LRRC4C: variants seen among roughly 807,000 people sequenced by gnomAD.
The protein encoded by LRRC4C is leucine-rich repeat-containing protein 4C.
A neutral mutation model predicts 33.6 loss-of-function variants in LRRC4C; 5 were observed. That is an observed-to-expected ratio of 0.15 (90% CI 0.08 to 0.31). The LOEUF is 0.31. Among genes scored for constraint, LRRC4C ranks in the 10% least tolerant of loss-of-function variants. The pLI is 1.00. For missense variants in LRRC4C, 560 were observed against 796.7 expected (o/e 0.70, Z 3.58); for synonymous variants, 329 against 302.0 (o/e 1.09, Z -0.93).
At chr11:40,116,415 G>C (rs771964643) in intron 6 of LRRC4C, 81 bp from the exon 7 acceptor site, 1 of 1,378,308 alleles carries the variant, frequency 7.3e-7, no homozygotes, top group African/African-American at 1.5e-5. Flanking sequence ...CGGTGATATA[G>C]TGTATCAGCT....
intron 1 of LRRC4C, among the ~76,000 whole-genome samples, chr11:41,237,526 T>C (rs748618539): frequency 1.3e-5 from 2 of 152,186 alleles, no homozygotes; most frequent in African/African-American, 2.4e-5. Flanking sequence ...TCAGCTGTAA[T>C]ATCTGCCTTA....
chr11:41,360,084 G>A (rs1357882961), intron 1 of LRRC4C, among the ~76,000 whole-genome samples: 1 of 152,186 alleles, frequency 6.6e-6, no homozygotes, highest in East Asian at 1.9e-4. Context: ...TCAGGAGGCT[G>A]AGGCAGGAGA....
At chr11:41,140,972 T>A (rs1313170439) in intron 1 of LRRC4C, among the ~76,000 whole-genome samples, 2 of 152,168 alleles carry the variant, frequency 1.3e-5, no homozygotes, top group Non-Finnish European at 1.5e-5. Context: ...ATAATACATA[T>A]TTTTACCTTT....
In LRRC4C at chr11:40,115,663, C is replaced by A; in HGVS notation, c.630G>T (p.Arg210=). ...RYLNLAMCNL[R]EIPNLTPLIK... is the part of the protein sequence containing the mutation. ...TGAGCGGTGTGAGGTTAGGGATTTCCCGAAGGTTGCACATGGCAAGGTTCA... is the reference window on the plus strand; with the variant it reads ...TGAGCGGTGTGAGGTTAGGGATTTCACGAAGGTTGCACATGGCAAGGTTCA... Residue 210 remains arginine, a synonymous_variant, in exon 7 of 7, where the codon CGG becomes CGT. Coordinates refer to ENST00000528697, the MANE Select transcript of LRRC4C (RefSeq NM_001258419.2). The surrounding 1 kb of genome is among the most constrained non-coding windows in gnomAD (Gnocchi z 6.7). 6.2e-7 allele frequency: 1 copy of A among 1,614,124 alleles called. No individual in the cohort carries two copies. The highest frequency in any genetic ancestry group is 8.5e-7 in the Non-Finnish European group (1 of 1,180,022).
At chr11:40,493,780 G>T (rs115165214) in intron 3 of LRRC4C, among the ~76,000 whole-genome samples, 1,742 of 152,196 alleles carry the variant, frequency 0.011, 38 homozygotes, top group African/African-American at 0.039. Flanking sequence ...GTTATTAAGT[G>T]CATTTAGGTG....
intron 2 of LRRC4C, among the ~76,000 whole-genome samples, chr11:40,859,084 C>A (rs1953947401): frequency 6.6e-6 from 1 of 152,102 alleles, no homozygotes; most frequent in Non-Finnish European, 1.5e-5. Context: ...AGGTTACTTG[C>A]TGCAGTGATA....
At chr11:40,202,877 A>G (rs564046826) in intron 5 of LRRC4C, among the ~76,000 whole-genome samples, 5 of 152,350 alleles carry the variant, frequency 3.3e-5, no homozygotes, top group Non-Finnish European at 7.3e-5. Context: ...AGCAGGACAG[A>G]AGAGGGCTCA....
At chr11:41,425,766 G>C (rs1286991938) in intron 1 of LRRC4C, among the ~76,000 whole-genome samples, 1 of 152,000 alleles carries the variant, frequency 6.6e-6, no homozygotes, top group Non-Finnish European at 1.5e-5. Flanking sequence ...TTTATAAATG[G>C]GGGAGCTGAG....
chr11:40,418,078 T>C (rs1950392516), intron 3 of LRRC4C, among the ~76,000 whole-genome samples: 1 of 152,200 alleles, frequency 6.6e-6, no homozygotes, highest in Non-Finnish European at 1.5e-5. Flanking sequence ...GTCTGTGTCT[T>C]CCACTAGTAA....
chr11:40,208,645 A>G (rs1863340766), intron 5 of LRRC4C, among the ~76,000 whole-genome samples: 1 of 152,168 alleles, frequency 6.6e-6, no homozygotes, highest in South Asian at 2.1e-4. Flanking sequence ...TGTTAGTATG[A>G]ATATTCATTT....
chr11:40,263,537 G>A (rs1002809202), intron 4 of LRRC4C, among the ~76,000 whole-genome samples: 3 of 151,672 alleles, frequency 2.0e-5, no homozygotes, highest in East Asian at 1.9e-4. Flanking sequence ...TTTTGGGGGC[G>A]GGGGATGGGA....
intron 2 of LRRC4C, among the ~76,000 whole-genome samples, chr11:40,738,717 A>G (rs1948007495): frequency 6.6e-6 from 1 of 152,062 alleles, no homozygotes; most frequent in South Asian, 2.1e-4. Context: ...TTAGGCATTG[A>G]ACTGATAGAG....
intron 1 of LRRC4C, among the ~76,000 whole-genome samples, chr11:41,024,169 G>C (rs1292524948): frequency 6.6e-6 from 1 of 151,556 alleles, no homozygotes; most frequent in Non-Finnish European, 1.5e-5. Flanking sequence ...ATAGATGTTA[G>C]TTTCCTCAAC....
At position 40,212,167 on chromosome 11, in the gene LRRC4C, C is replaced by T. The variant is rs187564691; in HGVS notation, c.-96+29352G>A. Among the ~76,000 whole-genome samples, 12 of 152,202 alleles carry T rather than the reference C, an allele frequency of 7.9e-5. No individual in the cohort carries two copies. In the East Asian group the frequency reaches 2.1e-3, roughly 27 times the overall value. ...AGTAGTAAATGTGGAAACCATGTTT[C>T]CACTCAGTAGTAATTTTGATCCATC... On this transcript the variant is annotated intron_variant, in intron 5 of 6. Transcript: ENST00000528697.
chr11:41,183,914 A>G (rs1215804679), intron 1 of LRRC4C, among the ~76,000 whole-genome samples: 1 of 152,180 alleles, frequency 6.6e-6, no homozygotes, highest in Non-Finnish European at 1.5e-5. Flanking sequence ...TGACTTCTGT[A>G]TACCTGCAGG....
chr11:40,971,215 G>T (rs758262684), intron 1 of LRRC4C, among the ~76,000 whole-genome samples: 1 of 152,210 alleles, frequency 6.6e-6, no homozygotes, highest in Non-Finnish European at 1.5e-5. Flanking sequence ...GAACTTCGCA[G>T]CCCCTTCAAT....
intron 2 of LRRC4C, among the ~76,000 whole-genome samples, chr11:40,713,466 G>A (rs544497045): frequency 1.2e-4 from 19 of 152,254 alleles, no homozygotes; most frequent in African/African-American, 4.6e-4. Context: ...TAATATGTCA[G>A]GATTAGAAGC....
intron 3 of LRRC4C, among the ~76,000 whole-genome samples, chr11:40,448,290 TGTGCAGAAC>T (rs1226228297): frequency 2.0e-5 from 3 of 152,182 alleles, no homozygotes; most frequent in Admixed American, 2.0e-4. Flanking sequence ...CTGGGACACA[TGTGCAGAAC>T]GTGCAGGTTT....
intron 2 of LRRC4C, among the ~76,000 whole-genome samples, chr11:40,668,232 C>A (rs1943918091): frequency 6.6e-6 from 1 of 152,264 alleles, no homozygotes; most frequent in South Asian, 2.1e-4. Flanking sequence ...TACATCTTAT[C>A]ATTTTCTTGT....
Sources: allele counts gnomAD v4.1 joint callset (sites outside exome capture counted in the v4.1 genomes callset), GRCh38; gene constraint gnomAD v4.1.1; non-coding constraint Gnocchi (gnomAD v3.1); transcripts MANE v1.5; gene names NCBI Gene and HGNC (gene_info 2026-07-23, HGNC 2026-07-21).